Variants in CUX1 observed in about 807,000 individuals in gnomAD.
The protein encoded by CUX1 is protein CASP.
CUX1 carries 31 observed loss-of-function variants against 158.8 expected under a neutral mutation model. That is an observed-to-expected ratio of 0.20 (90% CI 0.15 to 0.26). The LOEUF (loss-of-function observed/expected upper bound fraction) is 0.26. CUX1 is among the 10% of genes least tolerant of loss of function. CUX1 has a pLI of 1.00. For missense variants in CUX1, 1,589 were observed against 2,014.6 expected (o/e 0.79, Z 4.04); for synonymous variants, 879 against 862.1 (o/e 1.02, Z -0.34).
intron 4 of CUX1, among the ~76,000 whole-genome samples, chr7:102,095,952 A>G (rs1386098123): frequency 2.6e-5 from 4 of 152,250 alleles, no homozygotes; most frequent in African/African-American, 9.6e-5. Context: ...TTGATGCGGA[A>G]GAACATTTAA....
chr7:102,012,067 T>C (rs540147788), intron 2 of CUX1, among the ~76,000 whole-genome samples: 1 of 152,298 alleles, frequency 6.6e-6, no homozygotes, highest in East Asian at 1.9e-4. Context: ...AATTTTGGAC[T>C]ACAGAAAGGA....
chr7:102,242,198 T>G (rs1800300355), intron 23 of CUX1, among the ~76,000 whole-genome samples: 2 of 140,896 alleles, frequency 1.4e-5, no homozygotes, highest in African/African-American at 5.1e-5. Flanking sequence ...TTCCACTTTC[T>G]TTCTTTCTTT....
At chr7:101,840,545 T>C (rs1795110404) in intron 1 of CUX1, among the ~76,000 whole-genome samples, 1 of 152,262 alleles carries the variant, frequency 6.6e-6, no homozygotes, top group African/African-American at 2.4e-5. Flanking sequence ...TGATTGACTA[T>C]ATGATGTTGA....
rs1562883916 is a variant in CUX1, at chr7:101,821,485, CTG to C, written c.30+3817_30+3818del. Among the ~76,000 whole-genome samples the C allele has an allele frequency of 7.9e-5, 12 of 151,356 alleles. No individual in the cohort carries two copies. The East Asian group carries it at 1.6e-3, about 20-fold the overall frequency. On this transcript the variant is annotated intron_variant, in intron 1 of 23. Coordinates refer to ENST00000292535, the MANE Select transcript of CUX1 (RefSeq NM_181552.4). ...TCCCGAGTAGCTGGGACTACAGGCG[CTG>C]GCCACCAGGCCTGGCTAATTTTTTG...
intron 2 of CUX1, among the ~76,000 whole-genome samples, chr7:101,927,714 T>TTTTG (rs1243838043): frequency 6.6e-6 from 1 of 152,176 alleles, no homozygotes; most frequent in Non-Finnish European, 1.5e-5. Flanking sequence ...AGAGACCTTA[T>TTTTG]TTTGTTTGTT....
At chr7:101,995,602 G>A (rs367935596) in intron 2 of CUX1, among the ~76,000 whole-genome samples, 2 of 152,212 alleles carry the variant, frequency 1.3e-5, no homozygotes, top group Admixed American at 1.3e-4. Context: ...TAATCCCACA[G>A]ACCATTATAA....
intron 2 of CUX1, among the ~76,000 whole-genome samples, chr7:102,007,286 A>G: frequency 6.6e-6 from 1 of 152,014 alleles, no homozygotes; most frequent in Non-Finnish European, 1.5e-5. Flanking sequence ...TCATTCTCAG[A>G]TCAGACCACT....
chr7:101,874,864 T>C (rs779684238), intron 1 of CUX1, among the ~76,000 whole-genome samples: 20 of 152,192 alleles, frequency 1.3e-4, no homozygotes, highest in Non-Finnish European at 2.4e-4. Context: ...TGGAGTCCAG[T>C]TTCAGAGCGT....
chr7:101,972,499 C>T (rs555667962), intron 2 of CUX1, among the ~76,000 whole-genome samples: 1 of 152,214 alleles, frequency 6.6e-6, no homozygotes, highest in East Asian at 1.9e-4. Flanking sequence ...GTCATGGATC[C>T]CGCATCGAAA....
At position 101,930,383 on chromosome 7, in the gene CUX1, A is replaced by G. The variant is rs373052047; in HGVS notation, c.141+14158A>G. 3.3e-5 allele frequency among the ~76,000 whole-genome samples: 5 copies of G among 152,232 alleles called. No homozygotes were observed. In the South Asian group the frequency reaches 8.3e-4, roughly 25 times the overall value. ...TGATTATAAGCCAAAGCGTGGGAAA[A>G]TCTCCCCTTCCACTTTGAGATTATG... On this transcript the variant is annotated intron_variant, in intron 2 of 23. Coordinates refer to ENST00000292535, the MANE Select transcript of CUX1 (RefSeq NM_181552.4).
At chr7:102,231,322 G>A (rs1319778555) in intron 21 of CUX1, among the ~76,000 whole-genome samples, 10 of 116,220 alleles carry the variant, frequency 8.6e-5, no homozygotes, top group African/African-American at 3.0e-4. Context: ...GAGCCACTGC[G>A]CCCAGCCTTT....
At chr7:101,947,115 G>C (rs1402071650) in intron 2 of CUX1, among the ~76,000 whole-genome samples, 3 of 152,160 alleles carry the variant, frequency 2.0e-5, no homozygotes, top group African/African-American at 7.2e-5. Context: ...ATGGCCAGGC[G>C]TGGTGGCTCA....
chr7:101,823,265 C>T (rs887754983), intron 1 of CUX1, among the ~76,000 whole-genome samples: 7 of 152,240 alleles, frequency 4.6e-5, no homozygotes, highest in African/African-American at 1.7e-4. Flanking sequence ...AACATAATCA[C>T]ACAGGTGACT....
chr7:102,227,224 C>T (rs1586327614), intron 20 of CUX1, 143 bp from the exon 21 acceptor site: 1 of 701,062 alleles, frequency 1.4e-6, no homozygotes. Flanking sequence ...AAATATGAAA[C>T]AGTTCACTAA....
chr7:102,167,227 C>T (rs987776286), intron 9 of CUX1, among the ~76,000 whole-genome samples: 4 of 150,800 alleles, frequency 2.7e-5, no homozygotes, highest in South Asian at 2.1e-4. Context: ...AAAATCATAC[C>T]GCTGCACTCC....
chr7:102,061,139 G>C (rs1384745368), intron 3 of CUX1, among the ~76,000 whole-genome samples: 2 of 152,040 alleles, frequency 1.3e-5, no homozygotes, highest in African/African-American at 4.8e-5. Flanking sequence ...GGCCAGGCTG[G>C]TCTCGAACTC....
chr7:102,112,265 G>A (rs1387672137), intron 7 of CUX1, among the ~76,000 whole-genome samples: 14 of 134,810 alleles, frequency 1.0e-4, no homozygotes, highest in Admixed American at 6.1e-4. Flanking sequence ...TTTTTGAGAC[G>A]GAGTCTCGCT....
At chr7:102,273,267 C>A in intron 14 of CUX1, 2 of 1,489,916 alleles carry the variant, frequency 1.3e-6, no homozygotes, top group Admixed American at 2.0e-5. Context: ...ATCCAGGCAG[C>A]CCTGCTTCCA....
At chr7:101,842,397 T>C (rs1030874727) in intron 1 of CUX1, among the ~76,000 whole-genome samples, 1 of 152,234 alleles carries the variant, frequency 6.6e-6, no homozygotes, top group South Asian at 2.1e-4. Flanking sequence ...TTTTCTTCTT[T>C]CTTTCTTTGA....
Sources: gnomAD v4.1 joint callset for allele counts (sites outside exome capture counted in the v4.1 genomes callset) on GRCh38, gnomAD v4.1.1 for gene constraint, MANE v1.5 for transcripts, NCBI Gene and HGNC (gene_info 2026-07-23, HGNC 2026-07-21) for gene names.